The following KALRN variants were observed in gnomAD, a reference collection of about 807,000 sequenced individuals.
The protein encoded by KALRN is kalirin RhoGEF kinase.
In KALRN, 70 loss-of-function variants were observed where a neutral mutation model predicts 353.7. The observed-to-expected ratio is 0.20, with a 90% CI of 0.16 to 0.24. The LOEUF (loss-of-function observed/expected upper bound fraction) is 0.24. KALRN is among the 10% of genes least tolerant of loss of function. KALRN has a pLI of 1.00. For missense variants in KALRN, 2,791 were observed against 3,756.7 expected (o/e 0.74, Z 6.72); for synonymous variants, 1,391 against 1,434.8 (o/e 0.97, Z 0.69).
rs138183470 is a variant in KALRN, at chr3:124,049,189, C to A, written c.73+15376C>A. Among the ~76,000 whole-genome samples the A allele has an allele frequency of 2.7e-3, 413 of 152,340 alleles. 1 individual carries two copies. The highest frequency in any genetic ancestry group is 8.5e-3 in the African/African-American group (354 of 41,572). ...TCTCAATTAGCCAAAAAAGCCGCAT[C>A]TGTTCTTGAGCTTGAATGTAAGTTA... On this transcript the variant is annotated intron_variant, in intron 1 of 59. Transcript: ENST00000682506.
chr3:124,450,683 A>T (rs2058688265), intron 21 of KALRN, among the ~76,000 whole-genome samples: 1 of 151,260 alleles, frequency 6.6e-6, no homozygotes, highest in Admixed American at 6.6e-5. Flanking sequence ...CTGCCTCAGC[A>T]TCCCATGTAG....
chr3:124,365,926 A>G (rs982968771), intron 10 of KALRN, among the ~76,000 whole-genome samples: 4 of 152,198 alleles, frequency 2.6e-5, no homozygotes, highest in Non-Finnish European at 4.4e-5. Flanking sequence ...GTACTTTCAA[A>G]TTTGACATGT....
At chr3:124,685,657 A>G (rs2061523911) in intron 51 of KALRN, among the ~76,000 whole-genome samples, 1 of 152,232 alleles carries the variant, frequency 6.6e-6, no homozygotes, top group Admixed American at 6.5e-5. Flanking sequence ...TGGGATAATT[A>G]CTTGGCCTCA....
chr3:124,332,575 G>A (rs950076885), intron 8 of KALRN, among the ~76,000 whole-genome samples: 3 of 152,026 alleles, frequency 2.0e-5, no homozygotes, highest in Admixed American at 6.6e-5. Flanking sequence ...AGCACAGGAG[G>A]GCCATAGGTG....
At chr3:124,155,566 A>G (rs9883869) in intron 1 of KALRN, among the ~76,000 whole-genome samples, 43,548 of 152,118 alleles carry the variant, frequency 0.29, 6,642 homozygotes, top group East Asian at 0.47. Flanking sequence ...TAACTTTAAT[A>G]GAATCATAGT....
chr3:124,094,716 C>A, intron 1 of KALRN: 1 of 791,774 alleles, frequency 1.3e-6, no homozygotes, highest in Non-Finnish European at 2.2e-6. Context: ...TGCAGGCAGG[C>A]ATTTGCTTAG....
intron 59 of KALRN, among the ~76,000 whole-genome samples, chr3:124,718,663 A>G (rs1162792828): frequency 6.6e-6 from 1 of 152,216 alleles, no homozygotes; most frequent in Non-Finnish European, 1.5e-5. Context: ...GATTCAATGC[A>G]GAAGCAGTGT....
At chr3:124,584,808 G>A (rs2074973291) in intron 34 of KALRN, 1 of 1,598,182 alleles carries the variant, frequency 6.3e-7, no homozygotes. Context: ...GGAGCGCTGG[G>A]GCGGCGGGGC....
At chr3:124,378,955 GT>G (rs1425461680) in intron 10 of KALRN, among the ~76,000 whole-genome samples, 1 of 151,388 alleles carries the variant, frequency 6.6e-6, no homozygotes, top group African/African-American at 2.4e-5. Flanking sequence ...TATAGTTTTT[GT>G]TATATTTGAA....
intron 5 of KALRN, among the ~76,000 whole-genome samples, chr3:124,279,296 A>G (rs1219023660): frequency 6.6e-6 from 1 of 152,232 alleles, no homozygotes; most frequent in East Asian, 1.9e-4. Context: ...TACCTGCCTT[A>G]GGATTATTGT....
intron 10 of KALRN, among the ~76,000 whole-genome samples, chr3:124,382,612 G>T (rs939953186): frequency 3.9e-5 from 6 of 151,990 alleles, no homozygotes; most frequent in Non-Finnish European, 7.4e-5. Context: ...ATCTCTTATT[G>T]GTCCCAAACC....
In KALRN at chr3:124,140,832, C is replaced by T. The variant is rs1231878484; in HGVS notation, c.74-87158C>T. On this transcript the variant is annotated intron_variant, in intron 1 of 59. Transcript: ENST00000682506. ...GGGAGTAGGGGAGGGCTGGTCTCAC[C>T]CTGGGTCATGGGTGACTTCACCTCC... Among the ~76,000 whole-genome samples, 4 of 152,132 alleles carry T rather than the reference C, an allele frequency of 2.6e-5. No individual in the cohort carries two copies. In the East Asian group the frequency reaches 5.8e-4, roughly 22 times the overall value.
intron 15 of KALRN, among the ~76,000 whole-genome samples, chr3:124,427,727 A>T (rs16835412): frequency 0.046 from 7,048 of 152,264 alleles, 237 homozygotes; most frequent in East Asian, 0.11. Context: ...ATATTCTTTC[A>T]GTCCTTCATT....
At chr3:124,494,426 A>G (rs992919493) in intron 32 of KALRN, among the ~76,000 whole-genome samples, 1 of 152,224 alleles carries the variant, frequency 6.6e-6, no homozygotes, top group Non-Finnish European at 1.5e-5. Context: ...AGCGGGAAGC[A>G]GAAAGTACAG....
At chr3:124,251,370 T>TC (rs984997454) in intron 3 of KALRN, among the ~76,000 whole-genome samples, 24 of 125,882 alleles carry the variant, frequency 1.9e-4, no homozygotes, top group African/African-American at 5.6e-4. Flanking sequence ...TTTTTTTTTT[T>TC]CTTTTTTTCT....
chr3:124,085,796 C>T (rs2060786881), intron 1 of KALRN, among the ~76,000 whole-genome samples: 2 of 152,180 alleles, frequency 1.3e-5, no homozygotes, highest in South Asian at 4.1e-4. Context: ...AAACACAATT[C>T]TCTACCTTTC....
intron 34 of KALRN, among the ~76,000 whole-genome samples, chr3:124,565,466 C>T (rs2072688655): frequency 6.6e-6 from 1 of 152,212 alleles, no homozygotes; most frequent in Non-Finnish European, 1.5e-5. Flanking sequence ...CAGTGCCTGG[C>T]ATTCAATGCA....
intron 34 of KALRN, among the ~76,000 whole-genome samples, chr3:124,623,423 C>G (rs141240880): frequency 6.7e-6 from 1 of 149,230 alleles, no homozygotes. Context: ...CACACACACA[C>G]ACACAAAAGG....
intron 1 of KALRN, among the ~76,000 whole-genome samples, chr3:124,218,450 A>G (rs778793298): frequency 4.6e-5 from 7 of 152,168 alleles, no homozygotes; most frequent in South Asian, 2.1e-4. Context: ...CTAATGTTCA[A>G]CAGTTGGATC....
Sources: allele counts gnomAD v4.1 joint callset (sites outside exome capture counted in the v4.1 genomes callset), GRCh38; gene constraint gnomAD v4.1.1; transcripts MANE v1.5; gene names NCBI Gene and HGNC (gene_info 2026-07-23, HGNC 2026-07-21).